COL28A1: variants seen among roughly 807,000 people sequenced by gnomAD.
COL28A1 encodes collagen alpha-1(XXVIII) chain.
Under a neutral mutation model 150.2 loss-of-function variants are expected in COL28A1, and 161 were observed. That is an observed-to-expected ratio of 1.07 (90% CI 0.94 to 1.22). The LOEUF (loss-of-function observed/expected upper bound fraction) is 1.22. Among genes scored for constraint, COL28A1 ranks in the 50% most tolerant of loss-of-function variants. COL28A1 has a pLI of 0.00. For synonymous variants in COL28A1, 552 were observed against 469.7 expected (o/e 1.18, Z -2.26); for missense variants, 1,617 against 1,388.3 (o/e 1.16, Z -2.62).
Position 7,515,834 on chromosome 7 carries a change from G to A in COL28A1, c.862C>T (p.Pro288Ser). 1 of 1,033,348 alleles carries A rather than the reference G, an allele frequency of 9.7e-7. No individual in the cohort carries two copies. Among genetic ancestry groups the A allele is most frequent in the Non-Finnish European group, 1.5e-6 (1 of 653,324 alleles). 64.0% of individuals were successfully genotyped at this position (1,033,348 alleles called of 1,614,324 possible). ...CTTACCTTGTCACCCTTGTACCCAG[G>A]AATTCCCTAATTTAAAAAGAAAATA... Reference protein sequence around the residue: ...EAGERGPGGIPGYKGDKGERG... With the variant: ...EAGERGPGGISGYKGDKGERG... Residue 288 changes from proline to serine, a missense_variant, in exon 8 of 35, where the codon CCT (proline) becomes TCT (serine). Physicochemically the swap from Pro to Ser is moderately conservative, Grantham distance 74 (BLOSUM62 -1). Transcript: ENST00000399429.
Position 7,531,417 on chromosome 7 carries a change from C to T in COL28A1, c.612G>A (p.Gly204=). 2 of 1,602,490 alleles carry T rather than the reference C, an allele frequency of 1.2e-6. No homozygotes were observed. The highest frequency in any genetic ancestry group is 1.7e-6 in the Non-Finnish European group (2 of 1,171,186). Residue 204 remains glycine (G), a synonymous_variant, in exon 3 of 35, where the codon GGG becomes GGA. Coordinates refer to ENST00000399429, the MANE Select transcript of COL28A1 (RefSeq NM_001037763.3). The part of the protein sequence containing the change: ...VNEAKLRLIS[G]DSSSEPTLLL... ...GTAAAGTGGGTTCACTGGATGAATC[C>T]CCAGAAATCAAACGAAGTTTGGCTT...
At chr7:7,494,827 T>C (rs1331147932) in intron 11 of COL28A1, among the ~76,000 whole-genome samples, 1 of 152,234 alleles carries the variant, frequency 6.6e-6, no homozygotes, top group African/African-American at 2.4e-5. Flanking sequence ...TGTTTAATTC[T>C]ACCTTAAGGA....
At chr7:7,495,337 T>C (rs12333875) in intron 11 of COL28A1, among the ~76,000 whole-genome samples, 3,681 of 152,238 alleles carry the variant, frequency 0.024, 149 homozygotes, top group African/African-American at 0.083. Flanking sequence ...GGCTACCTTA[T>C]TGGGCACTGC....
At chr7:7,354,263 C>T (rs781760009), downstream of COL28A1, among the ~76,000 whole-genome samples, 1 of 151,604 alleles carries the variant, frequency 6.6e-6, no homozygotes, top group South Asian at 2.1e-4. Flanking sequence ...CAAAGTGCTG[C>T]GATTACAGGC....
rs1350548344 is a variant in COL28A1 at position 7,515,816 on chromosome 7, T to G, written c.880A>C (p.Lys294Gln). Reference sequence around the variant, plus strand: ...TCTATTTGTTGTTACCAACTTACCTTGTCACCCTTGTACCCAGGAATTCCC... The same window carrying G: ...TCTATTTGTTGTTACCAACTTACCTGGTCACCCTTGTACCCAGGAATTCCC... ...PGGIPGYKGD[K>Q]GERGECGKPG... Residue 294 changes from lysine to glutamine, a missense_variant and splice_region_variant, in exon 8 of 35, where the codon AAG becomes CAG. Lys to Gln is a moderately conservative substitution (Grantham distance 53). Transcript: ENST00000399429. 2.8e-6 allele frequency: 3 copies of G among 1,064,570 alleles called. No individual in the cohort carries two copies. The highest frequency in any genetic ancestry group is 4.7e-5 in the East Asian group (2 of 42,402). 65.9% of individuals were successfully genotyped at this position (1,064,570 alleles called of 1,614,324 possible). A position where few individuals can be genotyped will look rare whatever the true frequency, so the allele number is the denominator to read the frequency against.
chr7:7,453,407 T>A (rs1194803005), intron 17 of COL28A1, 33 bp downstream of exon 17: 1 of 911,226 alleles, frequency 1.1e-6, no homozygotes, highest in Non-Finnish European at 1.9e-6. Flanking sequence ...ATACTATAGA[T>A]ATATTAAACT....
chr7:7,379,456 T>A (rs1335404516), intron 30 of COL28A1, among the ~76,000 whole-genome samples: 2 of 152,144 alleles, frequency 1.3e-5, no homozygotes, highest in Non-Finnish European at 2.9e-5. Flanking sequence ...CCATTTTGTC[T>A]GCTCTGGACC....
chr7:7,413,809 G>C (rs1159723103), intron 27 of COL28A1, among the ~76,000 whole-genome samples: 1 of 152,182 alleles, frequency 6.6e-6, no homozygotes, highest in East Asian at 1.9e-4. Flanking sequence ...CAAGCCTACA[G>C]GAAGAGCAAA....
chr7:7,403,005 A>T (rs943902639), intron 27 of COL28A1, among the ~76,000 whole-genome samples: 1 of 152,198 alleles, frequency 6.6e-6, no homozygotes, highest in Admixed American at 6.5e-5. Context: ...GACATCTACT[A>T]TCTCACAGTC....
At chr7:7,420,716 G>C (rs1239244527) in intron 25 of COL28A1, among the ~76,000 whole-genome samples, 1 of 152,026 alleles carries the variant, frequency 6.6e-6, no homozygotes, top group Non-Finnish European at 1.5e-5. Context: ...CATTTCAAAG[G>C]GCTCAGAATT....
In COL28A1 at chr7:7,440,778, C is replaced by G; in HGVS notation, c.1722+12G>C. 8.0e-7 allele frequency: 1 copy of G among 1,252,958 alleles called. No homozygotes were observed. The highest frequency in any genetic ancestry group is 1.2e-6 in the Non-Finnish European group (1 of 859,754). 77.6% of individuals were successfully genotyped at this position (1,252,958 alleles called of 1,614,324 possible). ...ACTCCTCAAAGCGTAAGTCAGAATA[C>G]AAGAAACATACCTTTGGTCCTTCGG... On this transcript the variant is annotated intron_variant, in intron 21 of 34. Transcript: ENST00000399429.
At chr7:7,466,477 T>A (rs1471977079) in intron 15 of COL28A1, among the ~76,000 whole-genome samples, 2 of 102,256 alleles carry the variant, frequency 2.0e-5, no homozygotes, top group Non-Finnish European at 3.6e-5. Flanking sequence ...AATCTACGTC[T>A]GATTGGTGTA....
At chr7:7,447,111 G>C (rs1786322508) in intron 18 of COL28A1, among the ~76,000 whole-genome samples, 2 of 152,046 alleles carry the variant, frequency 1.3e-5, no homozygotes, top group Non-Finnish European at 2.9e-5. Flanking sequence ...TCAACAGTGG[G>C]AAAAAATTAA....
At chr7:7,482,432 G>A (rs1779384107) in intron 13 of COL28A1, among the ~76,000 whole-genome samples, 1 of 152,006 alleles carries the variant, frequency 6.6e-6, no homozygotes. Flanking sequence ...GGGTGAGGCA[G>A]GAGAATCGCT....
At chr7:7,474,788 T>C (rs1057096486) in intron 14 of COL28A1, 119 bp from the exon 15 acceptor site, 1 of 655,046 alleles carries the variant, frequency 1.5e-6, no homozygotes, top group African/African-American at 1.8e-5. Flanking sequence ...GCATCCAAAG[T>C]CACTGTTTAC....
chr7:7,482,409 C>A (rs1287438357), intron 13 of COL28A1, among the ~76,000 whole-genome samples: 1 of 151,714 alleles, frequency 6.6e-6, no homozygotes, highest in African/African-American at 2.4e-5. Flanking sequence ...CCTACAGTCC[C>A]AACTACTTGG....
intron 13 of COL28A1, among the ~76,000 whole-genome samples, chr7:7,482,093 T>C (rs1006744170): frequency 2.6e-5 from 4 of 152,198 alleles, no homozygotes; most frequent in African/African-American, 9.7e-5. Context: ...TTTATATTAG[T>C]GTGGTAGTGA....
intron 3 of COL28A1, among the ~76,000 whole-genome samples, chr7:7,527,860 T>C (rs1782116705): frequency 6.6e-6 from 1 of 151,978 alleles, no homozygotes; most frequent in Non-Finnish European, 1.5e-5. Context: ...TGGACAAATA[T>C]CACAGCACAT....
At chr7:7,537,441 A>G (rs1352878282), upstream of COL28A1, among the ~76,000 whole-genome samples, 1 of 152,228 alleles carries the variant, frequency 6.6e-6, no homozygotes, top group African/African-American at 2.4e-5. Context: ...TAACAAAATG[A>G]CATTGAACAA....
Sources: allele counts gnomAD v4.1 joint callset (sites outside exome capture counted in the v4.1 genomes callset), GRCh38; gene constraint gnomAD v4.1.1; transcripts MANE v1.5; gene names NCBI Gene and HGNC (gene_info 2026-07-23, HGNC 2026-07-21).